The following AGTR1 variants were observed in gnomAD, a reference collection of about 807,000 sequenced individuals.
The protein encoded by AGTR1 is angiotensin II receptor type 1.
AGTR1 carries 16 observed loss-of-function variants against 19.4 expected under a neutral mutation model. That is an observed-to-expected ratio of 0.82 (90% CI 0.56 to 1.25). The LOEUF (loss-of-function observed/expected upper bound fraction) is 1.25. Among genes scored for constraint, AGTR1 ranks in the 50% most tolerant of loss-of-function variants. The probability of loss-of-function intolerance (pLI) is 0.00; values close to 1 mark genes in which losing one functional copy is unlikely to be tolerated. For missense variants in AGTR1, 373 were observed against 431.9 expected (o/e 0.86, Z 1.21); for synonymous variants, 153 against 154.9 (o/e 0.99, Z 0.09).
chr3:148,733,829 A>T (rs1714425889), intron 2 of AGTR1, among the ~76,000 whole-genome samples: 1 of 152,106 alleles, frequency 6.6e-6, no homozygotes, highest in African/African-American at 2.4e-5. Flanking sequence ...GTTAGGTTTT[A>T]TTTTCCTTTT....
At chr3:148,710,818 T>C (rs560317853) in intron 2 of AGTR1, among the ~76,000 whole-genome samples, 5 of 152,284 alleles carry the variant, frequency 3.3e-5, no homozygotes, top group Admixed American at 2.0e-4. Flanking sequence ...GTTTGGATCC[T>C]GCAGGCGGAT....
At chr3:148,738,933 C>T (rs1714718052) in intron 2 of AGTR1, among the ~76,000 whole-genome samples, 1 of 152,176 alleles carries the variant, frequency 6.6e-6, no homozygotes, top group Non-Finnish European at 1.5e-5. Flanking sequence ...TTATCATCTG[C>T]CTCCTGGAAC....
intron 2 of AGTR1, among the ~76,000 whole-genome samples, chr3:148,739,595 A>G (rs1048883061): frequency 1.3e-5 from 2 of 152,228 alleles, no homozygotes; most frequent in African/African-American, 4.8e-5. Context: ...TTACTTACTC[A>G]GGGAAGGCAA....
At chr3:148,726,181 C>CT (rs918390143) in intron 2 of AGTR1, among the ~76,000 whole-genome samples, 2 of 151,354 alleles carry the variant, frequency 1.3e-5, no homozygotes, top group Non-Finnish European at 2.9e-5. Context: ...TTCTAAGTTT[C>CT]TTTTTTCCCT....
rs963680278 is a variant in AGTR1 at position 148,742,076 on chromosome 3, A to G, written c.1041A>G (p.Ser347=). ...ACCGCCCCTCAGATAATGTAAGCTCATCCACCAAGAAGCCTGCACCATGTT... is the reference window on the plus strand; with the variant it reads ...ACCGCCCCTCAGATAATGTAAGCTCGTCCACCAAGAAGCCTGCACCATGTT... The part of the protein sequence containing the change: ...LSYRPSDNVS[S]STKKPAPCFE... Residue 347 remains serine (S), a synonymous_variant, in exon 3 of 3, where the codon TCA becomes TCG. Transcript: ENST00000349243. The G allele has an allele frequency of 5.0e-6, 8 of 1,613,948 alleles. No homozygotes were observed. Among genetic ancestry groups the G allele is most frequent in the Non-Finnish European group, 6.8e-6 (8 of 1,179,938 alleles).
intron 2 of AGTR1, among the ~76,000 whole-genome samples, chr3:148,714,581 C>T (rs1252295383): frequency 1.3e-5 from 2 of 151,864 alleles, no homozygotes; most frequent in African/African-American, 2.4e-5. Flanking sequence ...GAATGGATGC[C>T]AGAACAGGAG....
chr3:148,741,808 T>C lies in AGTR1; in HGVS notation c.773T>C (p.Ile258Thr), dbSNP rs769221844. The change falls in exon 3 of 3, where the codon ATA (isoleucine) becomes ACA (threonine). Residue 258 changes from isoleucine to threonine, a missense_variant. Coordinates refer to ENST00000349243, the MANE Select transcript of AGTR1 (RefSeq NM_000685.5). ...TTCTTTTCCTGGATTCCCCACCAAATATTCACTTTTCTGGATGTATTGATT... is the reference window on the plus strand; with the variant it reads ...TTCTTTTCCTGGATTCCCCACCAAACATTCACTTTTCTGGATGTATTGATT... ...FFFFSWIPHQ[I>T]FTFLDVLIQL... is the part of the protein sequence containing the mutation. The C allele has an allele frequency of 6.2e-7, 1 of 1,613,532 alleles. No individual in the cohort carries two copies. Among genetic ancestry groups the C allele is most frequent in the Non-Finnish European group, 8.5e-7 (1 of 1,179,984 alleles).
rs549585659 is a variant in AGTR1 at position 148,736,701 on chromosome 3, G to A, written c.-47-4288G>A. 5.3e-5 allele frequency among the ~76,000 whole-genome samples: 8 copies of A among 152,260 alleles called. No individual in the cohort carries two copies. In the South Asian group the frequency reaches 8.3e-4, roughly 16 times the overall value. On this transcript the variant is annotated intron_variant, in intron 2 of 2. Transcript: ENST00000349243. ...TACCCAGAGCCACACAGATTTGTAC[G>A]TGGCAAAGGAGGATTCCATTTCAAG...
intron 1 of AGTR1, among the ~76,000 whole-genome samples, chr3:148,700,888 A>G (rs568935145): frequency 6.6e-6 from 1 of 152,290 alleles, no homozygotes; most frequent in South Asian, 2.1e-4. Flanking sequence ...AGATCATTGG[A>G]TTATGTGGTT....
At chr3:148,713,426 C>T (rs1299792868) in intron 2 of AGTR1, among the ~76,000 whole-genome samples, 1 of 152,052 alleles carries the variant, frequency 6.6e-6, no homozygotes, top group Non-Finnish European at 1.5e-5. Context: ...TAGAAAAATT[C>T]ATTTCACAGG....
Position 148,741,505 on chromosome 3 carries a change from G to C in AGTR1, c.470G>C (p.Gly157Ala), listed in dbSNP as rs968555821. Residue 157 changes from glycine (G) to alanine (A), a missense_variant, in exon 3 of 3, where the codon GGC becomes GCC. Transcript: ENST00000349243. The stretch of plus-strand genomic sequence containing the variant: ...TGCATCATCATTTGGCTGCTGGCAG[G>C]CTTGGCCAGTTTGCCAGCTATAATC... ...VTCIIIWLLA[G>A]LASLPAIIHR... is the part of the protein sequence containing the mutation. The C allele has an allele frequency of 1.1e-5, 17 of 1,613,946 alleles. No homozygotes were observed. The highest frequency in any genetic ancestry group is 4.5e-5 in the East Asian group (2 of 44,884).
At chr3:148,704,146 T>C (rs1366512448) in intron 1 of AGTR1, among the ~76,000 whole-genome samples, 1 of 151,970 alleles carries the variant, frequency 6.6e-6, no homozygotes, top group African/African-American at 2.4e-5. Flanking sequence ...GCCAGGAGTT[T>C]GAGACCAGCT....
intron 2 of AGTR1, among the ~76,000 whole-genome samples, chr3:148,728,440 G>T (rs527378554): frequency 2.6e-5 from 4 of 152,290 alleles, no homozygotes; most frequent in African/African-American, 9.6e-5. Flanking sequence ...TTAAACACTT[G>T]TATGTCATTT....
At chr3:148,731,915 T>C (rs1292429090) in intron 2 of AGTR1, among the ~76,000 whole-genome samples, 1 of 152,230 alleles carries the variant, frequency 6.6e-6, no homozygotes, top group Admixed American at 6.5e-5. Context: ...ATATGACCCT[T>C]ATAGCTTTAG....
At chr3:148,733,584 GT>G (rs1230644130) in intron 2 of AGTR1, among the ~76,000 whole-genome samples, 3 of 152,152 alleles carry the variant, frequency 2.0e-5, no homozygotes, top group Non-Finnish European at 4.4e-5. Context: ...TGAAGCAATT[GT>G]TATTGACTAA....
intron 2 of AGTR1, chr3:148,730,040 A>G (rs1273525267): frequency 1.0e-5 from 4 of 386,582 alleles, no homozygotes; most frequent in African/African-American, 8.3e-5. Context: ...CAAAAGTTCC[A>G]AAGCTCTAGG....
chr3:148,730,931 G>A (rs973883457), intron 2 of AGTR1, among the ~76,000 whole-genome samples: 2 of 152,184 alleles, frequency 1.3e-5, no homozygotes, highest in South Asian at 4.1e-4. Context: ...CCAGTGTGAT[G>A]AGCACTTGAA....
rs111980524 is a variant in AGTR1 at position 148,741,228 on chromosome 3, G to C, written c.193G>C (p.Val65Leu). 11 of 1,613,918 alleles carry C rather than the reference G, an allele frequency of 6.8e-6. No homozygotes were observed. The highest frequency in any genetic ancestry group is 9.3e-6 in the Non-Finnish European group (11 of 1,180,016). Residue 65 changes from valine (V) to leucine (L), a missense_variant, in exon 3 of 3, where the codon GTT becomes CTT. Val to Leu is a conservative substitution (Grantham distance 32). Coordinates refer to ENST00000349243, the MANE Select transcript of AGTR1 (RefSeq NM_000685.5). ...TATGAAGCTGAAGACTGTGGCCAGT[G>C]TTTTTCTTTTGAATTTAGCACTGGC... ...FYMKLKTVAS[V>L]FLLNLALADL... is the part of the protein sequence containing the mutation.
At chr3:148,703,251 G>A (rs1214900887) in intron 1 of AGTR1, among the ~76,000 whole-genome samples, 4 of 152,038 alleles carry the variant, frequency 2.6e-5, no homozygotes, top group South Asian at 2.1e-4. Flanking sequence ...ATTATCTCAC[G>A]TATCCCAGTT....
Sources: gnomAD v4.1 joint callset for allele counts (sites outside exome capture counted in the v4.1 genomes callset) on GRCh38, gnomAD v4.1.1 for gene constraint, MANE v1.5 for transcripts, NCBI Gene and HGNC (gene_info 2026-07-23, HGNC 2026-07-21) for gene names.